MGAT4A: variants seen among roughly 807,000 people sequenced by gnomAD.
The protein encoded by MGAT4A is alpha-1,3-mannosyl-glycoprotein 4-beta-N-acetylglucosaminyltransferase A, also known as N-acetylglucosaminyltransferase IVa.
In MGAT4A, 33 loss-of-function variants were observed where a neutral mutation model predicts 74.1. That is an observed-to-expected ratio of 0.45 (90% confidence interval 0.34 to 0.60). MGAT4A has a LOEUF of 0.60. MGAT4A is among the 20% of genes least tolerant of loss of function. The pLI is 0.02. For missense variants in MGAT4A, 479 were observed against 628.3 expected (o/e 0.76, Z 2.54); for synonymous variants, 198 against 210.4 (o/e 0.94, Z 0.51).
chr2:98,657,891 C>T (rs1211896940), intron 6 of MGAT4A, among the ~76,000 whole-genome samples: 3 of 152,080 alleles, frequency 2.0e-5, no homozygotes, highest in Non-Finnish European at 4.4e-5. Context: ...GAAGATTTTG[C>T]CTGGTAAATA....
Position 98,622,414 on chromosome 2 carries a change from CATGTGTCTACTGGCTAT to C in MGAT4A, c.*3135_*3151del, listed in dbSNP as rs1406289728. 69 of 985,342 alleles carry C rather than the reference CATGTGTCTACTGGCTAT, an allele frequency of 7.0e-5. No individual in the cohort carries two copies. Among genetic ancestry groups the C allele is most frequent in the Non-Finnish European group, 8.3e-5 (69 of 829,952 alleles). 61.0% of individuals were successfully genotyped at this position (985,342 alleles called of 1,614,324 possible). ...AAAATGTTTTTATTTAAACAGCCCC[CATGTGTCTACTGGCTAT>C]ATGTGTTTTTAAAACTAGTCCCAAC... is the stretch of plus-strand genomic sequence containing the variant. On this transcript the variant is annotated 3_prime_UTR_variant, in exon 16 of 16. Transcript: ENST00000393487.
chr2:98,662,219 G>A lies in MGAT4A; in HGVS notation c.537+827C>T, dbSNP rs369930746. On this transcript the variant is annotated intron_variant, in intron 5 of 15. Coordinates refer to ENST00000393487, the MANE Select transcript of MGAT4A (RefSeq NM_012214.3). ...ATGGCTACATATGTTGTTAACATCA[G>A]AGCAAGCTGAGTGAAGGAGATACCC... is the stretch of plus-strand genomic sequence containing the variant. Among the ~76,000 whole-genome samples the A allele has an allele frequency of 4.6e-5, 7 of 152,338 alleles. 1 individual carries two copies. The highest frequency in any genetic ancestry group is 1.7e-4 in the African/African-American group (7 of 41,590).
chr2:98,698,460 C>A (rs1224457228), intron 2 of MGAT4A, among the ~76,000 whole-genome samples: 1 of 152,134 alleles, frequency 6.6e-6, no homozygotes, highest in East Asian at 1.9e-4. Context: ...GCTCTGAAAT[C>A]TCCTCACATT....
At chr2:98,716,912 A>C (rs928225230) in intron 2 of MGAT4A, among the ~76,000 whole-genome samples, 1 of 152,210 alleles carries the variant, frequency 6.6e-6, no homozygotes, top group Non-Finnish European at 1.5e-5. Context: ...ACCAAAAAAA[A>C]CCAGTTTGTA....
Position 98,625,100 on chromosome 2 carries a change from TTAAG to T in MGAT4A, c.*462_*465del, listed in dbSNP as rs531122964. On this transcript the variant is annotated 3_prime_UTR_variant, in exon 16 of 16. Coordinates refer to ENST00000393487, the MANE Select transcript of MGAT4A (RefSeq NM_012214.3). ...TCTACTGCACAAAAATATGTACTTCTTAAGTGTTTCTAATAAATTAATTCCATAA... is the reference window on the plus strand; with the variant it reads ...TCTACTGCACAAAAATATGTACTTCTTGTTTCTAATAAATTAATTCCATAA... The T allele has an allele frequency of 0.012, 11,143 of 941,536 alleles. 88 individuals carry two copies. The highest frequency in any genetic ancestry group is 0.013 in the Non-Finnish European group (10,427 of 789,866). The allele number at this position is 941,536 out of a possible 1,614,324, so 58.3% of individuals were successfully genotyped here. A position where few individuals can be genotyped will look rare whatever the true frequency, so the allele number is the denominator to read the frequency against.
At chr2:98,655,780 A>T (rs1701649486) in intron 7 of MGAT4A, 1 of 316,036 alleles carries the variant, frequency 3.2e-6, no homozygotes, top group Non-Finnish European at 5.8e-6. Context: ...AATATCAAGT[A>T]AGTATGTATA....
At chr2:98,631,104 G>A (rs931683929) in intron 14 of MGAT4A, among the ~76,000 whole-genome samples, 3 of 152,152 alleles carry the variant, frequency 2.0e-5, no homozygotes, top group Admixed American at 1.3e-4. Context: ...CTGCCGTCTC[G>A]CAGCTTTAAC....
At chr2:98,679,566 A>G (rs1559167277) in intron 2 of MGAT4A, among the ~76,000 whole-genome samples, 1 of 152,136 alleles carries the variant, frequency 6.6e-6, no homozygotes, top group Non-Finnish European at 1.5e-5. Context: ...CAAGTATTGG[A>G]GGCTACAGTG....
At chr2:98,721,296 C>A (rs1702666918) in intron 2 of MGAT4A, among the ~76,000 whole-genome samples, 2 of 152,162 alleles carry the variant, frequency 1.3e-5, no homozygotes, top group Non-Finnish European at 2.9e-5. Context: ...AAGGGAAATT[C>A]TTCAGGCTGA....
intron 2 of MGAT4A, among the ~76,000 whole-genome samples, chr2:98,706,575 G>A (rs1425664255): frequency 2.7e-5 from 4 of 150,888 alleles, no homozygotes; most frequent in Non-Finnish European, 4.4e-5. Context: ...TGATCCACCC[G>A]CGTCGGCCTC....
chr2:98,706,068 A>G (rs1309294850), intron 2 of MGAT4A, among the ~76,000 whole-genome samples: 1 of 152,184 alleles, frequency 6.6e-6, no homozygotes, highest in African/African-American at 2.4e-5. Context: ...GAACCGATTG[A>G]TAAAAATAGT....
At chr2:98,668,899 T>C (rs1210801709) in intron 4 of MGAT4A, among the ~76,000 whole-genome samples, 1 of 152,364 alleles carries the variant, frequency 6.6e-6, no homozygotes, top group East Asian at 1.9e-4. Context: ...GCATGGGGCC[T>C]GTAGCCCCTT....
In MGAT4A at chr2:98,628,965, A is replaced by C. The variant is rs866997506; in HGVS notation, c.1469-3130T>G. On this transcript the variant is annotated intron_variant, in intron 14 of 15. Transcript: ENST00000393487. ...GCACACACGCACACACTACATTAGA[A>C]AATGAGCATGGCTGTCTTCCAAAAA... is the stretch of plus-strand genomic sequence containing the variant. 2.6e-5 allele frequency among the ~76,000 whole-genome samples: 4 copies of C among 152,250 alleles called. No individual in the cohort carries two copies. The South Asian group carries it at 8.3e-4, about 31-fold the overall frequency.
intron 2 of MGAT4A, among the ~76,000 whole-genome samples, chr2:98,703,970 G>C (rs1205264361): frequency 1.3e-5 from 2 of 152,126 alleles, no homozygotes; most frequent in East Asian, 1.9e-4. Context: ...TAGCTTGTTT[G>C]GTTGTCAGTA....
intron 14 of MGAT4A, among the ~76,000 whole-genome samples, chr2:98,627,569 T>G (rs1575238486): frequency 6.6e-6 from 1 of 152,128 alleles, no homozygotes; most frequent in East Asian, 1.9e-4. Flanking sequence ...AGAGACGGGG[T>G]TTCACCATGC....
intron 10 of MGAT4A, among the ~76,000 whole-genome samples, chr2:98,640,497 G>A (rs557825409): frequency 1.7e-4 from 26 of 152,134 alleles, no homozygotes; most frequent in Non-Finnish European, 3.1e-4. Context: ...CCAGCTACTC[G>A]GAAGGCTGAA....
chr2:98,689,082 T>C (rs1207511335), intron 2 of MGAT4A, among the ~76,000 whole-genome samples: 1 of 152,218 alleles, frequency 6.6e-6, no homozygotes, highest in African/African-American at 2.4e-5. Flanking sequence ...GGATGGTACA[T>C]AGTGACATAA....
At chr2:98,671,019 CA>C (rs1259150149) in intron 4 of MGAT4A, among the ~76,000 whole-genome samples, 1 of 152,172 alleles carries the variant, frequency 6.6e-6, no homozygotes, top group Non-Finnish European at 1.5e-5. Flanking sequence ...TGATGCAAAA[CA>C]GTGTCTATTG....
chr2:98,704,815 G>GT (rs1296115269), intron 2 of MGAT4A, among the ~76,000 whole-genome samples: 1 of 151,856 alleles, frequency 6.6e-6, no homozygotes, highest in Non-Finnish European at 1.5e-5. Flanking sequence ...CTAATATCCT[G>GT]TAACTAGGAT....
Sources: gnomAD v4.1 joint callset for allele counts (sites outside exome capture counted in the v4.1 genomes callset) on GRCh38, gnomAD v4.1.1 for gene constraint, MANE v1.5 for transcripts, NCBI Gene and HGNC (gene_info 2026-07-23, HGNC 2026-07-21) for gene names.